The following MYB variants were observed in gnomAD, a reference collection of about 807,000 sequenced individuals.
MYB encodes MYB proto-oncogene, transcription factor.
Under a neutral mutation model 92.9 loss-of-function variants are expected in MYB, and 28 were observed. The ratio of observed to expected loss-of-function variants is 0.30; its 90% CI spans 0.22 to 0.41. MYB has a LOEUF of 0.41. MYB is among the 10% of genes least tolerant of loss of function. The pLI, the probability that MYB is intolerant of heterozygous loss-of-function variation, is 1.00. For missense variants in MYB, 679 were observed against 929.3 expected (o/e 0.73, Z 3.50); for synonymous variants, 295 against 329.1 (o/e 0.90, Z 1.12).
chr6:135,192,428 C>A lies in MYB; in HGVS notation c.632C>A (p.Ala211Asp). ...TCAAAAGCCAGCCAGCCAGCAGTGGCCACAAGCTTCCAGAAGAACAGTCAT... is the reference window on the plus strand; with the variant it reads ...TCAAAAGCCAGCCAGCCAGCAGTGGACACAAGCTTCCAGAAGAACAGTCAT... ...ESSKASQPAV[A>D]TSFQKNSHLM... Residue 211 changes from alanine (A) to aspartate (D), a missense_variant, in exon 6 of 16, where the codon GCC becomes GAC. Physicochemically the swap from Ala to Asp is moderately radical, Grantham distance 126. Transcript: ENST00000341911. 1 of 1,614,248 alleles carries A rather than the reference C, an allele frequency of 6.2e-7. No homozygotes were observed.
intron 3 of MYB, 41 bp from the exon 4 acceptor site, chr6:135,189,750 C>G (rs1366419861): frequency 6.5e-7 from 1 of 1,535,436 alleles, no homozygotes; most frequent in Non-Finnish European, 9.0e-7. Flanking sequence ...ACGTGCTTAT[C>G]ACATCATATC....
intron 15 of MYB, among the ~76,000 whole-genome samples, chr6:135,205,682 CTG>C (rs765002381): frequency 6.6e-6 from 1 of 152,180 alleles, no homozygotes; most frequent in Non-Finnish European, 1.5e-5. Context: ...TTCTATCAAA[CTG>C]AATAATTGAG....
chr6:135,207,673 T>A (rs1307829663), intron 15 of MYB, among the ~76,000 whole-genome samples: 3 of 152,196 alleles, frequency 2.0e-5, no homozygotes, highest in Non-Finnish European at 4.4e-5. Context: ...CACATAGATG[T>A]ATGGAAAATA....
rs750397896 is a variant in MYB, at chr6:135,200,300, C to T, written c.1835C>T (p.Pro612Leu). ...YGPLKMLPQT[P>L]SHLVEDLQDV... is the part of the protein sequence containing the mutation. Reference sequence around the variant, plus strand: ...CACTCTTCCGTTTAGCCTCAGACACCCTCTCATCTAGTAGAAGATCTGCAG... The same window carrying T: ...CACTCTTCCGTTTAGCCTCAGACACTCTCTCATCTAGTAGAAGATCTGCAG... Residue 612 changes from proline (P) to leucine (L), a missense_variant, in exon 13 of 16, where the codon CCC (proline) becomes CTC (leucine). Transcript: ENST00000341911. 1.4e-5 allele frequency: 22 copies of T among 1,613,908 alleles called. No homozygotes were observed. The highest frequency in any genetic ancestry group is 1.2e-4 in the Admixed American group (7 of 59,986).
chr6:135,199,416 T>C (rs1038313470), intron 11 of MYB: 3 of 306,904 alleles, frequency 9.8e-6, no homozygotes, highest in Non-Finnish European at 1.0e-5. Context: ...TAAGAACGAG[T>C]ATGGTTTCTT....
intron 15 of MYB, among the ~76,000 whole-genome samples, chr6:135,212,517 A>G (rs1260229916): frequency 1.3e-5 from 2 of 152,114 alleles, no homozygotes; most frequent in Non-Finnish European, 2.9e-5. Flanking sequence ...ATATTTATTT[A>G]AAGTGCTTTA....
chr6:135,187,756 G>T (rs989990996), intron 2 of MYB, 78 bp from the exon 3 acceptor site: 1 of 875,296 alleles, frequency 1.1e-6, no homozygotes, highest in East Asian at 2.6e-5. Context: ...TTCTAGATTC[G>T]TTCCCTCATT....
intron 1 of MYB, among the ~76,000 whole-genome samples, chr6:135,185,499 G>A (rs778228041): frequency 5.9e-5 from 9 of 152,206 alleles, no homozygotes; most frequent in Admixed American, 5.9e-4. Flanking sequence ...TTTAAACGAT[G>A]TGACAGATGC....
intron 5 of MYB, among the ~76,000 whole-genome samples, chr6:135,191,320 G>T (rs1293962689): frequency 6.6e-6 from 1 of 152,104 alleles, no homozygotes; most frequent in Non-Finnish European, 1.5e-5. Flanking sequence ...AACAGATTTT[G>T]TTCCTTTGGA....
At chr6:135,194,717 AG>A (rs2128294832) in intron 8 of MYB, 1 of 571,892 alleles carries the variant, frequency 1.7e-6, no homozygotes, top group Non-Finnish European at 3.0e-6. Flanking sequence ...TTTCTTCAGA[AG>A]GACTATAATC....
intron 15 of MYB, 43 bp from the exon 16 acceptor site, chr6:135,217,821 C>T (rs753548359): frequency 7.2e-7 from 1 of 1,390,684 alleles, no homozygotes; most frequent in South Asian, 1.2e-5. Context: ...ATAGAATGAG[C>T]TTCTTTGTCT....
chr6:135,195,776 G>C lies in MYB; in HGVS notation c.977G>C (p.Gly326Ala). The change falls in exon 9 of 16, where the codon GGG becomes GCG. Residue 326 changes from glycine (G) to alanine (A), a missense_variant. Physicochemically the swap from Gly to Ala is moderately conservative, Grantham distance 60 (BLOSUM62 0). Around this residue, in one of 8 missense-constraint regions of MYB, gnomAD observed 56 missense variants for 55.8 expected, o/e 1.00. Coordinates refer to ENST00000341911, the MANE Select transcript of MYB (RefSeq NM_001130173.2). ...CAGAACCACACATGCAGCTACCCCG[G>C]GTGGCACAGCACCACCATTGCCGAC... Reference protein sequence around the residue: ...PTQNHTCSYPGWHSTTIADHT... With the variant: ...PTQNHTCSYPAWHSTTIADHT... The C allele has an allele frequency of 6.2e-7, 1 of 1,613,924 alleles. No homozygotes were observed. Among genetic ancestry groups the C allele is most frequent in the Non-Finnish European group, 8.5e-7 (1 of 1,179,956 alleles).
intron 6 of MYB, 144 bp from the exon 7 acceptor site, chr6:135,193,694 A>G: frequency 1.9e-6 from 1 of 518,822 alleles, no homozygotes; most frequent in East Asian, 2.9e-5. Context: ...TTCACATTAA[A>G]AGGTTTTAAA....
intron 2 of MYB, among the ~76,000 whole-genome samples, chr6:135,187,125 A>C (rs1776024663): frequency 6.6e-6 from 1 of 152,262 alleles, no homozygotes. Context: ...AAACATAAGA[A>C]GGAATGCATT....
chr6:135,195,191 G>A (rs757462996), intron 8 of MYB: 61 of 846,306 alleles, frequency 7.2e-5, no homozygotes, highest in Non-Finnish European at 8.9e-5. Context: ...AATTTCTCCT[G>A]TTGTGTGGTC....
chr6:135,200,640 A>G (rs992802248), intron 13 of MYB: 63 of 617,058 alleles, frequency 1.0e-4, no homozygotes, highest in African/African-American at 9.8e-4. Context: ...GACAGAAAAC[A>G]TACTAGAGAG....
chr6:135,196,737 C>T (rs1166343693), intron 9 of MYB: 16 of 1,507,252 alleles, frequency 1.1e-5, no homozygotes, highest in East Asian at 5.2e-5. Context: ...TGTAGAGTGT[C>T]GGGAGGTCCC....
intron 15 of MYB, among the ~76,000 whole-genome samples, chr6:135,210,391 CAAG>C (rs1182619459): frequency 6.6e-6 from 1 of 152,072 alleles, no homozygotes; most frequent in Non-Finnish European, 1.5e-5. Flanking sequence ...TTTTTTAAAA[CAAG>C]GAGTTTAAGT....
chr6:135,203,955 T>G (rs1778500025), intron 15 of MYB: 1 of 1,075,244 alleles, frequency 9.3e-7, no homozygotes, highest in Non-Finnish European at 1.2e-6. Flanking sequence ...GAGCCAAATG[T>G]AAATAAGAAT....
Sources: allele counts gnomAD v4.1 joint callset (sites outside exome capture counted in the v4.1 genomes callset), GRCh38; gene constraint gnomAD v4.1.1; regional missense constraint gnomAD v4.1.1; transcripts MANE v1.5; gene names NCBI Gene and HGNC (gene_info 2026-07-23, HGNC 2026-07-21).